Variants in SBF2 observed in about 807,000 individuals in gnomAD.
SBF2 encodes the protein myotubularin-related protein 13.
SBF2 carries 112 observed loss-of-function variants against 225.2 expected under a neutral mutation model. The ratio of observed to expected loss-of-function variants is 0.50; its 90% CI spans 0.43 to 0.58. SBF2 has a LOEUF of 0.58. Among genes scored for constraint, SBF2 ranks in the 20% least tolerant of loss-of-function variants. SBF2 has a pLI of 0.00. For missense variants in SBF2, 1,996 were observed against 2,206.2 expected (o/e 0.90, Z 1.91); for synonymous variants, 763 against 773.3 (o/e 0.99, Z 0.22).
chr11:10,087,438 C>A (rs1473679808), intron 2 of SBF2, among the ~76,000 whole-genome samples: 1 of 152,094 alleles, frequency 6.6e-6, no homozygotes, highest in Non-Finnish European at 1.5e-5. Flanking sequence ...AGTGAATATT[C>A]TGCAAGTGCC....
At chr11:10,168,072 C>T (rs1956046844) in intron 2 of SBF2, among the ~76,000 whole-genome samples, 6 of 152,146 alleles carry the variant, frequency 3.9e-5, no homozygotes, top group Admixed American at 2.6e-4. Flanking sequence ...CACTGTTTTA[C>T]TGTTTTTTTA....
intron 6 of SBF2, 72 bp downstream of exon 6, chr11:10,028,380 T>C (rs1590790976): frequency 9.7e-6 from 9 of 929,692 alleles, no homozygotes; most frequent in South Asian, 5.2e-5. Flanking sequence ...TGTGAGGTGA[T>C]GTCGACTTAA....
chr11:9,881,818 A>T (rs1859784976), intron 17 of SBF2, among the ~76,000 whole-genome samples: 3 of 151,780 alleles, frequency 2.0e-5, no homozygotes, highest in African/African-American at 7.3e-5. Flanking sequence ...CCCCATCTCT[A>T]AAAAAAATAA....
At chr11:9,910,689 CAAGTTTAAA>C (rs1302617892) in intron 16 of SBF2, among the ~76,000 whole-genome samples, 1 of 149,712 alleles carries the variant, frequency 6.7e-6, no homozygotes, top group African/African-American at 2.5e-5. Context: ...TTTTAATGAA[CAAGTTTAAA>C]AAGTAAAAAA....
intron 16 of SBF2, among the ~76,000 whole-genome samples, chr11:9,901,909 G>C (rs1238154115): frequency 6.6e-6 from 1 of 152,192 alleles, no homozygotes; most frequent in Admixed American, 6.5e-5. Flanking sequence ...GCCTCCCAAA[G>C]TGCTGGGATC....
intron 2 of SBF2, among the ~76,000 whole-genome samples, chr11:10,188,756 T>G (rs1957044534): frequency 6.6e-6 from 1 of 152,340 alleles, no homozygotes; most frequent in Admixed American, 6.5e-5. Context: ...CCCTGCCCTG[T>G]GGTTTTATTA....
chr11:9,998,500 C>T, intron 8 of SBF2, 121 bp from the exon 9 acceptor site: 1 of 637,344 alleles, frequency 1.6e-6, no homozygotes. Context: ...TCTTGTTTGT[C>T]CATAGTAGTA....
intron 30 of SBF2, among the ~76,000 whole-genome samples, chr11:9,809,850 TC>T (rs1350879731): frequency 3.3e-5 from 5 of 152,114 alleles, no homozygotes; most frequent in African/African-American, 1.2e-4. Context: ...CTGGCCTATT[TC>T]AGGTATTCTT....
rs1003808384 is a variant in SBF2, at chr11:10,277,777, T to G, written c.55+16238A>C. Among the ~76,000 whole-genome samples the G allele has an allele frequency of 2.0e-5, 3 of 152,282 alleles. No homozygotes were observed. The South Asian group carries it at 6.2e-4, about 32-fold the overall frequency. On this transcript the variant is annotated intron_variant, in intron 1 of 39. Coordinates refer to ENST00000256190, the MANE Select transcript of SBF2 (RefSeq NM_030962.4). ...ACAGAGAAAGAGATCAGAGTTATGC[T>G]ACCACCAATCAAGGAGCCCCTGGGG...
chr11:9,882,833 A>C (rs937086685), intron 17 of SBF2, among the ~76,000 whole-genome samples: 13 of 151,054 alleles, frequency 8.6e-5, no homozygotes, highest in African/African-American at 2.0e-4. Flanking sequence ...ACCAAAAAAA[A>C]CCCATTATCT....
At chr11:10,254,939 A>AAAAAAAAAAAT (rs1960737355) in intron 1 of SBF2, among the ~76,000 whole-genome samples, 7 of 114,006 alleles carry the variant, frequency 6.1e-5, no homozygotes, top group African/African-American at 1.6e-4. Flanking sequence ...AAAAAAAAAA[A>AAAAAAAAAAAT]TCCTATTATT....
intron 1 of SBF2, among the ~76,000 whole-genome samples, chr11:10,259,516 C>A (rs1961223303): frequency 6.6e-6 from 1 of 152,204 alleles, no homozygotes; most frequent in African/African-American, 2.4e-5. Flanking sequence ...ATGTAAACAT[C>A]TGATAAATAT....
intron 2 of SBF2, among the ~76,000 whole-genome samples, chr11:10,138,053 G>T (rs1304798125): frequency 6.6e-6 from 1 of 151,832 alleles, no homozygotes; most frequent in African/African-American, 2.4e-5. Flanking sequence ...GGAACCAATT[G>T]TATAGAATGA....
At chr11:9,890,102 G>C (rs1207840896) in intron 17 of SBF2, among the ~76,000 whole-genome samples, 1 of 151,968 alleles carries the variant, frequency 6.6e-6, no homozygotes, top group African/African-American at 2.4e-5. Flanking sequence ...TGGAGGTTTC[G>C]CTATGTTGGC....
intron 30 of SBF2, chr11:9,811,396 A>C (rs1854174135): frequency 6.6e-6 from 1 of 152,240 alleles, no homozygotes; most frequent in African/African-American, 2.4e-5. Context: ...TCAATATCCC[A>C]AGTGGGCAAT....
At chr11:10,222,304 T>C (rs761423678) in intron 1 of SBF2, among the ~76,000 whole-genome samples, 17 of 152,086 alleles carry the variant, frequency 1.1e-4, no homozygotes, top group East Asian at 1.9e-4. Flanking sequence ...AGGAAACCAA[T>C]AGAAACTAAC....
chr11:9,847,435 T>C (rs549623189), intron 22 of SBF2, among the ~76,000 whole-genome samples: 2 of 151,942 alleles, frequency 1.3e-5, no homozygotes, highest in East Asian at 3.9e-4. Flanking sequence ...CCTGACTGCC[T>C]TCATTCTTTC....
At position 9,781,639 on chromosome 11, in the gene SBF2, C is replaced by T; in HGVS notation, c.5320-1G>A. The T allele has an allele frequency of 6.2e-7, 1 of 1,614,148 alleles. No homozygotes were observed. The highest frequency in any genetic ancestry group is 8.5e-7 in the Non-Finnish European group (1 of 1,180,030). On this transcript the variant is annotated splice_acceptor_variant, in intron 38 of 39. Coordinates refer to ENST00000256190, the MANE Select transcript of SBF2 (RefSeq NM_030962.4). LOFTEE classifies it high-confidence loss of function. ...CCTCACCTGAGTCATAGTAGCGCAG[C>T]TGGAACCAAAAGGATACAAGTGAGA...
chr11:10,100,950 G>C (rs1952274164), intron 2 of SBF2, among the ~76,000 whole-genome samples: 1 of 152,192 alleles, frequency 6.6e-6, no homozygotes, highest in South Asian at 2.1e-4. Flanking sequence ...AGATTTCAGG[G>C]AGATTTCTCA....
Sources: gnomAD v4.1 joint callset for allele counts (sites outside exome capture counted in the v4.1 genomes callset) on GRCh38, gnomAD v4.1.1 for gene constraint, MANE v1.5 for transcripts, NCBI Gene and HGNC (gene_info 2026-07-23, HGNC 2026-07-21) for gene names.